The following BAIAP2L1 variants were observed in gnomAD, a reference collection of about 807,000 sequenced individuals.
BAIAP2L1 encodes the protein BAR/IMD domain-containing adapter protein 2-like 1.
In BAIAP2L1, 35 loss-of-function variants were observed where a neutral mutation model predicts 66.3. The ratio of observed to expected loss-of-function variants is 0.53; its 90% CI spans 0.40 to 0.70. The LOEUF (loss-of-function observed/expected upper bound fraction) is 0.70. Ranked by LOEUF, BAIAP2L1 falls within the 30% of genes least tolerant of loss-of-function variation. BAIAP2L1 has a pLI of 0.00. For synonymous variants in BAIAP2L1, 269 were observed against 248.7 expected, an observed-to-expected ratio of 1.08 and a Z score of -0.77; for missense variants, 622 against 656.9, an observed-to-expected ratio of 0.95 and a Z score of 0.58.
intron 1 of BAIAP2L1, among the ~76,000 whole-genome samples, chr7:98,396,604 G>A (rs1279824689): frequency 6.6e-6 from 1 of 152,102 alleles, no homozygotes; most frequent in African/African-American, 2.4e-5. Flanking sequence ...AACTATCCTG[G>A]CCAACATGGT....
intron 11 of BAIAP2L1, among the ~76,000 whole-genome samples, chr7:98,306,020 G>A (rs1028831516): frequency 2.6e-5 from 4 of 152,168 alleles, no homozygotes; most frequent in Non-Finnish European, 2.9e-5. Context: ...AAGAGCTGGT[G>A]AGGCAGAAGA....
intron 12 of BAIAP2L1, among the ~76,000 whole-genome samples, chr7:98,298,271 T>C (rs1247084827): frequency 2.0e-5 from 3 of 151,944 alleles, no homozygotes; most frequent in Non-Finnish European, 1.5e-5. Flanking sequence ...TCACACGACC[T>C]GTAACTCACA....
intron 1 of BAIAP2L1, among the ~76,000 whole-genome samples, chr7:98,378,157 CAAAAAT>C (rs1802676668): frequency 6.7e-6 from 1 of 150,332 alleles, no homozygotes. Context: ...TCTCAAAAAA[CAAAAAT>C]AAAAACAAAA....
chr7:98,300,838 T>C (rs1333400027), intron 12 of BAIAP2L1, among the ~76,000 whole-genome samples: 1 of 152,180 alleles, frequency 6.6e-6, no homozygotes. Context: ...CCCCAGCTCT[T>C]GAGCCCCCCA....
intron 3 of BAIAP2L1, among the ~76,000 whole-genome samples, chr7:98,329,468 C>A (rs1361139035): frequency 1.3e-5 from 2 of 152,086 alleles, no homozygotes; most frequent in African/African-American, 2.4e-5. Flanking sequence ...ATGAGTTTTA[C>A]GTCTAGGAGT....
At chr7:98,306,548 A>G in intron 10 of BAIAP2L1, 32 bp from the exon 11 acceptor site, 2 of 1,614,110 alleles carry the variant, frequency 1.2e-6, no homozygotes, top group East Asian at 2.2e-5. Flanking sequence ...AGACCCTATC[A>G]GCAGTAGACA....
intron 9 of BAIAP2L1, 47 bp from the exon 10 acceptor site, chr7:98,307,943 C>G (rs1800722790): frequency 6.4e-7 from 1 of 1,567,542 alleles, no homozygotes; most frequent in African/African-American, 1.4e-5. Context: ...GCATGAGAAT[C>G]AATAGGCACA....
intron 3 of BAIAP2L1, among the ~76,000 whole-genome samples, chr7:98,326,121 A>G (rs926099894): frequency 5.3e-5 from 8 of 152,158 alleles, no homozygotes; most frequent in Admixed American, 2.0e-4. Context: ...TCCAAAAGAT[A>G]CAATGATAAG....
intron 12 of BAIAP2L1, among the ~76,000 whole-genome samples, chr7:98,301,580 G>T (rs1289076441): frequency 1.3e-5 from 2 of 151,914 alleles, no homozygotes; most frequent in Non-Finnish European, 2.9e-5. Flanking sequence ...GACTCCCAAA[G>T]TGCTGGGATT....
chr7:98,364,963 GGT>G (rs1802357494), intron 1 of BAIAP2L1, among the ~76,000 whole-genome samples: 1 of 111,890 alleles, frequency 8.9e-6, no homozygotes, highest in Non-Finnish European at 1.7e-5. Context: ...CTCCAATTTG[GGT>G]GACAGAGTGA....
Position 98,292,792 on chromosome 7 carries a change from C to A in BAIAP2L1, c.*729G>T. 6.5e-7 allele frequency: 1 copy of A among 1,541,178 alleles called. No homozygotes were observed. Among genetic ancestry groups the A allele is most frequent in the Non-Finnish European group, 8.8e-7 (1 of 1,140,876 alleles). On this transcript the variant is annotated 3_prime_UTR_variant, in exon 14 of 14. Transcript: ENST00000005260. ...GTGAGAACACAAGGAGCCGTGACTCCGACGCCCAGGCCTGTGTCCTGGATG... is the reference window on the plus strand; with the variant it reads ...GTGAGAACACAAGGAGCCGTGACTCAGACGCCCAGGCCTGTGTCCTGGATG...
rs1449605651 is a variant in BAIAP2L1, at chr7:98,292,367, C to T, written c.*1154G>A. On this transcript the variant is annotated 3_prime_UTR_variant, in exon 14 of 14. Coordinates refer to ENST00000005260, the MANE Select transcript of BAIAP2L1 (RefSeq NM_018842.5). The stretch of plus-strand genomic sequence containing the variant: ...CTCCTGAGTGGCGCCCACCACCACA[C>T]CTGTCTAATTTTTGTATTTTTAGTA... The T allele has an allele frequency of 2.3e-6, 1 of 433,378 alleles. No individual in the cohort carries two copies. The highest frequency in any genetic ancestry group is 4.2e-6 in the Non-Finnish European group (1 of 237,178). The allele number at this position is 433,378 out of a possible 1,614,324, so 26.8% of individuals were successfully genotyped here.
chr7:98,344,379 T>C (rs1194507595), intron 3 of BAIAP2L1, among the ~76,000 whole-genome samples: 2 of 152,242 alleles, frequency 1.3e-5, no homozygotes, highest in African/African-American at 2.4e-5. Context: ...GGTATTTCTC[T>C]TTAAATCATC....
intron 3 of BAIAP2L1, among the ~76,000 whole-genome samples, chr7:98,337,064 T>C (rs1801631713): frequency 6.6e-6 from 1 of 152,182 alleles, no homozygotes; most frequent in Non-Finnish European, 1.5e-5. Flanking sequence ...CCATTAATGC[T>C]AATAAAATTC....
intron 3 of BAIAP2L1, among the ~76,000 whole-genome samples, chr7:98,348,761 C>G (rs571408079): frequency 3.9e-5 from 6 of 152,206 alleles, no homozygotes; most frequent in African/African-American, 1.4e-4. Context: ...CACATCATCT[C>G]ATTTCATCTA....
intron 5 of BAIAP2L1, among the ~76,000 whole-genome samples, chr7:98,318,554 C>G (rs1424376861): frequency 6.6e-6 from 1 of 150,636 alleles, no homozygotes; most frequent in East Asian, 2.0e-4. Flanking sequence ...GCTGGGATTA[C>G]AGGCGTGAGC....
At chr7:98,320,699 G>T (rs951812019) in intron 3 of BAIAP2L1, among the ~76,000 whole-genome samples, 1 of 152,132 alleles carries the variant, frequency 6.6e-6, no homozygotes, top group Non-Finnish European at 1.5e-5. Context: ...GAAATACACT[G>T]TCCTCAGGGT....
intron 2 of BAIAP2L1, among the ~76,000 whole-genome samples, chr7:98,357,047 ATAT>A (rs1221337352): frequency 8.5e-4 from 14 of 16,488 alleles, no homozygotes; most frequent in South Asian, 3.7e-3. Context: ...ATATATATAT[ATAT>A]TTTTTTTTTT....
At chr7:98,350,362 A>T (rs1369144632) in intron 3 of BAIAP2L1, among the ~76,000 whole-genome samples, 4 of 151,902 alleles carry the variant, frequency 2.6e-5, no homozygotes, top group African/African-American at 9.7e-5. Flanking sequence ...AAAAAAAAAA[A>T]CAAAACAGCA....
Sources: allele counts gnomAD v4.1 joint callset (sites outside exome capture counted in the v4.1 genomes callset), GRCh38; gene constraint gnomAD v4.1.1; transcripts MANE v1.5; gene names NCBI Gene and HGNC (gene_info 2026-07-23, HGNC 2026-07-21).